Variants in HECW2 observed in about 807,000 individuals in gnomAD.
HECW2 encodes E3 ubiquitin-protein ligase HECW2.
Under a neutral mutation model 175.2 loss-of-function variants are expected in HECW2, and 61 were observed. The observed-to-expected ratio is 0.35, with a 90% CI of 0.28 to 0.43. The LOEUF (loss-of-function observed/expected upper bound fraction) is 0.43, where lower values mean the gene tolerates loss of function less well. Among genes scored for constraint, HECW2 ranks in the 20% least tolerant of loss-of-function variants. HECW2 has a pLI of 1.00. For synonymous variants in HECW2, 671 were observed against 731.0 expected, an observed-to-expected ratio of 0.92 and a Z score of 1.32; for missense variants, 1,524 against 2,000.5, an observed-to-expected ratio of 0.76 and a Z score of 4.54.
chr2:196,417,042 C>G (rs1695274388), intron 2 of HECW2, among the ~76,000 whole-genome samples: 1 of 152,210 alleles, frequency 6.6e-6, no homozygotes. Context: ...CTGTATTTTT[C>G]CCTGTTGTTT....
chr2:196,265,044 G>A (rs10177390), intron 17 of HECW2, among the ~76,000 whole-genome samples: 2,067 of 152,210 alleles, frequency 0.014, 47 homozygotes, highest in African/African-American at 0.047. Flanking sequence ...GCTAAACCTT[G>A]AGCCAGAAGG....
At chr2:196,546,211 T>C (rs1689415689) in intron 1 of HECW2, among the ~76,000 whole-genome samples, 1 of 151,594 alleles carries the variant, frequency 6.6e-6, no homozygotes, top group Non-Finnish European at 1.5e-5. Context: ...GGTTAGATTC[T>C]TTGAGGACCT....
intron 1 of HECW2, among the ~76,000 whole-genome samples, chr2:196,518,436 G>A (rs1051204303): frequency 1.3e-5 from 2 of 151,746 alleles, no homozygotes; most frequent in Non-Finnish European, 2.9e-5. Flanking sequence ...TGGGTGGATC[G>A]CTTGAGGTCA....
chr2:196,437,324 T>C (rs886771522), intron 1 of HECW2, among the ~76,000 whole-genome samples: 1 of 151,940 alleles, frequency 6.6e-6, no homozygotes, highest in Non-Finnish European at 1.5e-5. Flanking sequence ...AAAGAAACCA[T>C]GCACCAGCCG....
At chr2:196,484,622 G>A (rs1391695864) in intron 1 of HECW2, among the ~76,000 whole-genome samples, 1 of 152,080 alleles carries the variant, frequency 6.6e-6, no homozygotes, top group African/African-American at 2.4e-5. Context: ...TACCATCCCA[G>A]GAATCAAGGG....
chr2:196,361,780 A>T (rs1383497206), intron 2 of HECW2: 1 of 982,928 alleles, frequency 1.0e-6, no homozygotes. Context: ...GTGACAGTGG[A>T]ATTCATTCCA....
rs1218298215 is a variant in HECW2 at position 196,194,970 on chromosome 2, C to T, written c.*6307G>A. ...TCATTACTATAAAATTAGATTAATACTTTCAGTAAGAGGCGAGAGAGATGC... is the reference window on the plus strand; with the variant it reads ...TCATTACTATAAAATTAGATTAATATTTTCAGTAAGAGGCGAGAGAGATGC... On this transcript the variant is annotated 3_prime_UTR_variant, in exon 29 of 29. Transcript: ENST00000644978. 6.6e-6 allele frequency: 1 copy of T among 152,108 alleles called. No individual in the cohort carries two copies. Among genetic ancestry groups the T allele is most frequent in the African/African-American group, 2.4e-5 (1 of 41,424 alleles). 9.4% of individuals were successfully genotyped at this position (152,108 alleles called of 1,614,324 possible).
chr2:196,429,876 A>C (rs1257575154), intron 2 of HECW2, among the ~76,000 whole-genome samples: 1 of 152,138 alleles, frequency 6.6e-6, no homozygotes, highest in African/African-American at 2.4e-5. Flanking sequence ...ATCCCCTACA[A>C]ATCTTGGCCA....
intron 1 of HECW2, among the ~76,000 whole-genome samples, chr2:196,557,282 C>T (rs1010776205): frequency 6.6e-6 from 1 of 151,930 alleles, no homozygotes; most frequent in African/African-American, 2.4e-5. Context: ...GTAATCCCAG[C>T]TACTTGGGAG....
chr2:196,534,396 GC>G (rs1370132200), intron 1 of HECW2, among the ~76,000 whole-genome samples: 2 of 152,142 alleles, frequency 1.3e-5, no homozygotes, highest in African/African-American at 4.8e-5. Flanking sequence ...ATTATTAGTA[GC>G]AACGTACTCT....
chr2:196,274,165 G>C (rs748776819), intron 15 of HECW2, 42 bp from the exon 16 acceptor site: 2 of 1,457,608 alleles, frequency 1.4e-6, no homozygotes, highest in Non-Finnish European at 1.9e-6. Context: ...CCAAGAGCCA[G>C]AATGCTCTAT....
At chr2:196,530,056 T>C (rs908041659) in intron 1 of HECW2, among the ~76,000 whole-genome samples, 5 of 152,290 alleles carry the variant, frequency 3.3e-5, no homozygotes, top group African/African-American at 7.2e-5. Flanking sequence ...CTAAGATACT[T>C]TGGAAAAAGA....
At chr2:196,230,316 A>G (rs186382072) in intron 21 of HECW2, among the ~76,000 whole-genome samples, 4 of 152,320 alleles carry the variant, frequency 2.6e-5, no homozygotes, top group African/African-American at 9.6e-5. Flanking sequence ...AACAAATAGA[A>G]TATTTCTTCC....
intron 10 of HECW2, among the ~76,000 whole-genome samples, chr2:196,313,788 G>C (rs899452027): frequency 6.6e-6 from 1 of 152,160 alleles, no homozygotes; most frequent in East Asian, 1.9e-4. Flanking sequence ...ACAGTGGCTC[G>C]CACCTATAAT....
intron 2 of HECW2, among the ~76,000 whole-genome samples, chr2:196,376,413 A>G (rs1253764285): frequency 6.7e-6 from 1 of 149,908 alleles, no homozygotes; most frequent in African/African-American, 2.5e-5. Context: ...GATGAATCAC[A>G]ACGTCAGGAG....
At chr2:196,505,589 C>T (rs1056722070) in intron 1 of HECW2, among the ~76,000 whole-genome samples, 3 of 151,824 alleles carry the variant, frequency 2.0e-5, no homozygotes, top group Non-Finnish European at 2.9e-5. Context: ...ATTACTAAAC[C>T]GAAAGATGAT....
chr2:196,201,610 T>G (rs1186695792), intron 28 of HECW2, among the ~76,000 whole-genome samples: 2 of 152,194 alleles, frequency 1.3e-5, no homozygotes, highest in African/African-American at 4.8e-5. Flanking sequence ...TTTAAAAAAA[T>G]ATTTTATTTA....
intron 1 of HECW2, among the ~76,000 whole-genome samples, chr2:196,472,471 G>A (rs1359672021): frequency 8.4e-6 from 1 of 118,674 alleles, no homozygotes; most frequent in Admixed American, 9.8e-5. Context: ...CTGGGTGACA[G>A]AGACTCCGTC....
chr2:196,478,034 A>G (rs1313379094), intron 1 of HECW2, among the ~76,000 whole-genome samples: 1 of 152,216 alleles, frequency 6.6e-6, no homozygotes, highest in Non-Finnish European at 1.5e-5. Context: ...CCTGGGCAAC[A>G]GAGTGAGATT....
Sources: gnomAD v4.1 joint callset for allele counts (sites outside exome capture counted in the v4.1 genomes callset) on GRCh38, gnomAD v4.1.1 for gene constraint, MANE v1.5 for transcripts, NCBI Gene and HGNC (gene_info 2026-07-23, HGNC 2026-07-21) for gene names.